CPAMD8: variants seen among roughly 807,000 people sequenced by gnomAD.
The protein encoded by CPAMD8 is C3 and PZP-like alpha-2-macroglobulin domain-containing protein 8.
Under a neutral mutation model 224.7 loss-of-function variants are expected in CPAMD8, and 146 were observed. The ratio of observed to expected loss-of-function variants is 0.65; its 90% CI spans 0.57 to 0.75. The LOEUF (loss-of-function observed/expected upper bound fraction) is 0.75. Among genes scored for constraint, CPAMD8 ranks in the 30% least tolerant of loss-of-function variants. The pLI is 0.00. For missense variants in CPAMD8, 2,301 were observed against 2,537.5 expected, an observed-to-expected ratio of 0.91 and a Z score of 2.00; for synonymous variants, 966 against 1,044.6, an observed-to-expected ratio of 0.92 and a Z score of 1.45.
intron 6 of CPAMD8, among the ~76,000 whole-genome samples, chr19:17,009,032 G>A (rs979024879): frequency 6.6e-6 from 1 of 151,904 alleles, no homozygotes; most frequent in South Asian, 2.1e-4. Flanking sequence ...GGAGGCAGAG[G>A]TTGCAGTGAG....
At chr19:16,979,023 T>C (rs1006721370) in intron 14 of CPAMD8, among the ~76,000 whole-genome samples, 3 of 150,456 alleles carry the variant, frequency 2.0e-5, no homozygotes, top group African/African-American at 7.4e-5. Flanking sequence ...TGTTCATCCA[T>C]CCATCATCCA....
In CPAMD8 at chr19:16,896,249, C is replaced by G; in HGVS notation, c.5353G>C (p.Asp1785His). 2 of 1,613,696 alleles carry G rather than the reference C, an allele frequency of 1.2e-6. No homozygotes were observed. Among genetic ancestry groups the G allele is most frequent in the Non-Finnish European group, 1.7e-6 (2 of 1,180,012 alleles). ...AGGCCGGCTCCATTCAGCTTCACGT[C>G]CTGCTGTAAAGGCCCCGGGGCCACA... ...ASVAPGPLQQDVKLNGAGLEV... is the reference protein window; with the variant it reads ...ASVAPGPLQQHVKLNGAGLEV... The change falls in exon 41 of 42, where the codon GAC becomes CAC. Residue 1785 changes from aspartate to histidine, a missense_variant. Physicochemically the swap from Asp to His is moderately conservative, Grantham distance 81 (BLOSUM62 -1). Around this residue, in one of 4 missense-constraint regions of CPAMD8, gnomAD observed 1,709 missense variants for 1,753.2 expected, o/e 0.97. Transcript: ENST00000443236.
chr19:16,979,680 T>C (rs142209905), intron 14 of CPAMD8, among the ~76,000 whole-genome samples: 45 of 152,246 alleles, frequency 3.0e-4, no homozygotes, highest in Non-Finnish European at 4.6e-4. Context: ...CTATCATCTA[T>C]AGGGCTATTG....
chr19:16,915,049 T>C (rs2144842080), intron 27 of CPAMD8, among the ~76,000 whole-genome samples: 1 of 152,340 alleles, frequency 6.6e-6, no homozygotes, highest in Non-Finnish European at 1.5e-5. Flanking sequence ...ACCTCTACCC[T>C]AGTGGCATTC....
chr19:16,932,154 G>C (rs1009321079), intron 23 of CPAMD8, among the ~76,000 whole-genome samples: 2 of 152,196 alleles, frequency 1.3e-5, no homozygotes, highest in Non-Finnish European at 2.9e-5. Flanking sequence ...CATTAGCTGA[G>C]TGTGGTGGCT....
chr19:17,006,264 A>C (rs1023654872), intron 7 of CPAMD8, among the ~76,000 whole-genome samples: 30 of 152,108 alleles, frequency 2.0e-4, no homozygotes, highest in African/African-American at 5.6e-4. Context: ...GCCAGGCCTC[A>C]AAGGGTTTTT....
At chr19:16,991,059 C>T (rs1354244427) in intron 12 of CPAMD8, among the ~76,000 whole-genome samples, 1 of 151,592 alleles carries the variant, frequency 6.6e-6, no homozygotes, top group Non-Finnish European at 1.5e-5. Context: ...GAGATTAGTC[C>T]CATGGCCAAT....
At chr19:16,946,476 T>C (rs976055482) in intron 21 of CPAMD8, among the ~76,000 whole-genome samples, 5 of 148,826 alleles carry the variant, frequency 3.4e-5, no homozygotes, top group African/African-American at 1.3e-4. Context: ...TGGATCTGTG[T>C]GTATGCATGT....
At chr19:17,018,907 CAA>C (rs769554399) in intron 3 of CPAMD8, among the ~76,000 whole-genome samples, 4 of 93,692 alleles carry the variant, frequency 4.3e-5, no homozygotes, top group Non-Finnish European at 4.2e-5. Flanking sequence ...GACTTCATCT[CAA>C]AAAAAAAAAA....
At chr19:17,023,859 G>A (rs930684931) in intron 1 of CPAMD8, among the ~76,000 whole-genome samples, 6 of 152,278 alleles carry the variant, frequency 3.9e-5, no homozygotes, top group African/African-American at 1.4e-4. Context: ...TGGGATTACA[G>A]GCCCACTGCA....
intron 23 of CPAMD8, among the ~76,000 whole-genome samples, 160 bp downstream of exon 23, chr19:16,938,235 G>A (rs773015984): frequency 5.3e-5 from 8 of 152,174 alleles, no homozygotes; most frequent in Non-Finnish European, 1.0e-4. Flanking sequence ...GTCCCCAGCT[G>A]GGACATCGTT....
In CPAMD8 at chr19:16,903,688, C is replaced by G; in HGVS notation, c.4407+14G>C. ...CTCCAACAACCCCCAAACCCTCATC[C>G]CAGGAACACGCACCGCTGCTGTCTG... On this transcript the variant is annotated intron_variant, in intron 33 of 41. Coordinates refer to ENST00000443236, the MANE Select transcript of CPAMD8 (RefSeq NM_015692.5). The G allele has an allele frequency of 6.2e-7, 1 of 1,614,060 alleles. No individual in the cohort carries two copies. The highest frequency in any genetic ancestry group is 8.5e-7 in the Non-Finnish European group (1 of 1,179,952).
chr19:16,978,245 G>A (rs2055352068), intron 14 of CPAMD8, among the ~76,000 whole-genome samples: 1 of 152,190 alleles, frequency 6.6e-6, no homozygotes, highest in East Asian at 1.9e-4. Context: ...TCGGCCTTGG[G>A]GTTCAAATCT....
At chr19:16,965,910 A>T (rs1281349501) in intron 18 of CPAMD8, among the ~76,000 whole-genome samples, 1 of 152,230 alleles carries the variant, frequency 6.6e-6, no homozygotes, top group African/African-American at 2.4e-5. Context: ...TAAAATGGCC[A>T]TACTGCCCAA....
At chr19:16,938,239 C>A (rs1042313976) in intron 23 of CPAMD8, among the ~76,000 whole-genome samples, 156 bp downstream of exon 23, 2 of 152,182 alleles carry the variant, frequency 1.3e-5, no homozygotes, top group Non-Finnish European at 2.9e-5. Flanking sequence ...CCAGCTGGGA[C>A]ATCGTTCTTC....
chr19:16,906,400 TTC>T (rs1332031709), intron 30 of CPAMD8, among the ~76,000 whole-genome samples: 1 of 94,964 alleles, frequency 1.1e-5, no homozygotes, highest in African/African-American at 4.4e-5. Flanking sequence ...CTTTCTTTCT[TTC>T]TTTCTTTCCT....
intron 41 of CPAMD8, chr19:16,895,522 G>A: frequency 4.6e-6 from 1 of 215,530 alleles, no homozygotes; most frequent in Non-Finnish European, 9.6e-6. Context: ...GGTTGCAGGT[G>A]TTGAGGGGAG....
intron 29 of CPAMD8, chr19:16,910,858 A>T (rs1344788238): frequency 6.6e-6 from 1 of 152,448 alleles, no homozygotes; most frequent in Non-Finnish European, 1.5e-5. Context: ...GGCAGGGGCT[A>T]GAGTGATGCA....
At chr19:16,965,883 G>T (rs558219837) in intron 18 of CPAMD8, among the ~76,000 whole-genome samples, 4 of 152,268 alleles carry the variant, frequency 2.6e-5, no homozygotes, top group African/African-American at 9.6e-5. Context: ...CTAACGGATA[G>T]GAAGAATCAA....
Sources: allele counts gnomAD v4.1 joint callset (sites outside exome capture counted in the v4.1 genomes callset), GRCh38; gene constraint gnomAD v4.1.1; regional missense constraint gnomAD v4.1.1; transcripts MANE v1.5; gene names NCBI Gene and HGNC (gene_info 2026-07-23, HGNC 2026-07-21).